Variants in VAPA observed in about 807,000 individuals in gnomAD.
VAPA encodes the protein vesicle-associated membrane protein-associated protein A.
Under a neutral mutation model 25.6 loss-of-function variants are expected in VAPA, and 6 were observed. The ratio of observed to expected loss-of-function variants is 0.23; its 90% confidence interval spans 0.13 to 0.46. The LOEUF (loss-of-function observed/expected upper bound fraction) is 0.46. VAPA is among the 20% of genes least tolerant of loss of function. The probability of loss-of-function intolerance (pLI) is 0.99; values close to 1 mark genes in which losing one functional copy is unlikely to be tolerated. For synonymous variants in VAPA, 112 were observed against 106.2 expected (o/e 1.05, Z -0.34); for missense variants, 244 against 302.1 (o/e 0.81, Z 1.43).
At chr18:9,935,586 CAAAA>C (rs1327874674) in intron 2 of VAPA, among the ~76,000 whole-genome samples, 2 of 152,022 alleles carry the variant, frequency 1.3e-5, no homozygotes, top group African/African-American at 4.8e-5. Flanking sequence ...TTTTAAAAAA[CAAAA>C]AACAGATGGT....
At chr18:9,928,730 T>C (rs1209687122) in intron 1 of VAPA, among the ~76,000 whole-genome samples, 2 of 152,204 alleles carry the variant, frequency 1.3e-5, no homozygotes, top group African/African-American at 4.8e-5. Flanking sequence ...GAAGTAATTT[T>C]ATAATGGAAT....
At chr18:9,924,273 A>C (rs1343371189) in intron 1 of VAPA, among the ~76,000 whole-genome samples, 2 of 152,214 alleles carry the variant, frequency 1.3e-5, no homozygotes, top group Non-Finnish European at 2.9e-5. Flanking sequence ...CCAAAAACTT[A>C]AACTTTAGAT....
chr18:9,945,933 C>T (rs1226076147), intron 4 of VAPA, among the ~76,000 whole-genome samples: 3 of 152,144 alleles, frequency 2.0e-5, no homozygotes. Flanking sequence ...TATGACAGTA[C>T]TCTTGACTTT....
intron 5 of VAPA, chr18:9,950,842 A>G (rs1462361143): frequency 8.0e-6 from 3 of 373,986 alleles, no homozygotes; most frequent in Non-Finnish European, 9.9e-6. Flanking sequence ...TGTCCTTCCC[A>G]TTTTGTGCCC....
chr18:9,936,731 A>AAAAAGAAC, intron 3 of VAPA: 1 of 408,094 alleles, frequency 2.5e-6, no homozygotes. Flanking sequence ...AAAAAAAGAA[A>AAAAAGAAC]GAAATGCTAA....
At chr18:9,919,922 C>T (rs924256749) in intron 1 of VAPA, among the ~76,000 whole-genome samples, 2 of 151,946 alleles carry the variant, frequency 1.3e-5, no homozygotes, top group Admixed American at 6.6e-5. Flanking sequence ...AAGTGGTGAC[C>T]CCTTGGACTG....
chr18:9,958,472 A>T lies in VAPA; in HGVS notation c.*4261A>T, dbSNP rs576026574. The stretch of plus-strand genomic sequence containing the variant: ...TATTCAGATAACTTTTGTAGTAGTG[A>T]TATTCAACTATAGCAGTACCTTAAC... On this transcript the variant is annotated 3_prime_UTR_variant, in exon 6 of 6. Transcript: ENST00000400000. 2.6e-5 allele frequency: 4 copies of T among 152,334 alleles called. No homozygotes were observed. In the East Asian group the frequency reaches 7.7e-4, roughly 29 times the overall value. 9.4% of individuals were successfully genotyped at this position (152,334 alleles called of 1,614,324 possible).
At chr18:9,950,275 T>C (rs972474034) in intron 4 of VAPA, 120 bp from the exon 5 acceptor site, 17 of 1,027,708 alleles carry the variant, frequency 1.7e-5, no homozygotes, top group Non-Finnish European at 2.4e-5. Context: ...TGACATGTAC[T>C]GATTTAGGCC....
At chr18:9,922,577 T>A (rs987784149) in intron 1 of VAPA, among the ~76,000 whole-genome samples, 1 of 152,132 alleles carries the variant, frequency 6.6e-6, no homozygotes, top group African/African-American at 2.4e-5. Flanking sequence ...TGCTGGTGAC[T>A]GACCAGTCAA....
rs908793562 is a variant in VAPA, at chr18:9,958,032, T to C, written c.*3821T>C. The C allele has an allele frequency of 1.3e-5, 2 of 152,248 alleles. No individual in the cohort carries two copies. Among genetic ancestry groups the C allele is most frequent in the African/African-American group, 4.8e-5 (2 of 41,466 alleles). 9.4% of individuals were successfully genotyped at this position (152,248 alleles called of 1,614,324 possible). On this transcript the variant is annotated 3_prime_UTR_variant, in exon 6 of 6. Transcript: ENST00000400000. ...AAAAAGAAAGTTTGTCTTGCCCTTC[T>C]GACACAGTGTGTGCACTTCAGGCAA...
At chr18:9,943,434 G>A (rs1177958318) in intron 4 of VAPA, among the ~76,000 whole-genome samples, 2 of 152,114 alleles carry the variant, frequency 1.3e-5, no homozygotes, top group African/African-American at 4.8e-5. Context: ...TAGTCCTCGG[G>A]ATCAGCAGGT....
intron 4 of VAPA, 54 bp downstream of exon 4, chr18:9,937,120 GATTA>G: frequency 6.9e-7 from 1 of 1,443,280 alleles, no homozygotes; most frequent in Non-Finnish European, 9.6e-7. Flanking sequence ...CAGTTCCTTT[GATTA>G]ATTTTGCTTT....
rs371683903 is a variant in VAPA, at chr18:9,954,918, C to G, written c.*707C>G. On this transcript the variant is annotated 3_prime_UTR_variant, in exon 6 of 6. Coordinates refer to ENST00000400000, the MANE Select transcript of VAPA (RefSeq NM_194434.3). ...CAAAGGTTTCTCTTGCATTGAAACCCTCTTGGATATTACAGTATTTTTAAT... is the reference window on the plus strand; with the variant it reads ...CAAAGGTTTCTCTTGCATTGAAACCGTCTTGGATATTACAGTATTTTTAAT... The G allele has an allele frequency of 1.3e-5, 2 of 152,446 alleles. No homozygotes were observed. Among genetic ancestry groups the G allele is most frequent in the South Asian group, 2.1e-4 (1 of 4,824 alleles). The allele number at this position is 152,446 out of a possible 1,614,324, so 9.4% of individuals were successfully genotyped here.
At chr18:9,935,020 G>A (rs1409068834) in intron 2 of VAPA, among the ~76,000 whole-genome samples, 11 of 151,226 alleles carry the variant, frequency 7.3e-5, no homozygotes, top group African/African-American at 2.7e-4. Flanking sequence ...GCGTGAACCT[G>A]GGAGGCAGAG....
chr18:9,949,298 G>C (rs1223377848), intron 4 of VAPA: 2 of 152,156 alleles, frequency 1.3e-5, no homozygotes, highest in African/African-American at 4.8e-5. Context: ...TCTGCCGACA[G>C]GTCACATACA....
chr18:9,936,390 A>T (rs1385763896), intron 3 of VAPA, 177 bp downstream of exon 3: 1 of 440,258 alleles, frequency 2.3e-6, no homozygotes, highest in African/African-American at 2.0e-5. Context: ...ATTTTTAAAT[A>T]GTATTTTTTT....
At chr18:9,949,701 T>C (rs560681681) in intron 4 of VAPA, 19 of 152,370 alleles carry the variant, frequency 1.2e-4, no homozygotes, top group African/African-American at 3.4e-4. Flanking sequence ...TGGGGTACTT[T>C]AGACAACGGG....
At position 9,958,873 on chromosome 18, in the gene VAPA, A is replaced by T. The variant is rs761859384; in HGVS notation, c.*4662A>T. 1 of 152,086 alleles carries T rather than the reference A, an allele frequency of 6.6e-6. No individual in the cohort carries two copies. The highest frequency in any genetic ancestry group is 1.5e-5 in the Non-Finnish European group (1 of 68,032). 9.4% of individuals were successfully genotyped at this position (152,086 alleles called of 1,614,324 possible). Reference sequence around the variant, plus strand: ...TCATCGCAAAAAGGCGATTTGAGAAATGTGGGCTTCAGTATTAATTGCCAT... The same window carrying T: ...TCATCGCAAAAAGGCGATTTGAGAATTGTGGGCTTCAGTATTAATTGCCAT... On this transcript the variant is annotated 3_prime_UTR_variant, in exon 6 of 6. Coordinates refer to ENST00000400000, the MANE Select transcript of VAPA (RefSeq NM_194434.3).
chr18:9,914,682 C>CCGCG (rs1324887832), intron 1 of VAPA: 1 of 151,278 alleles, frequency 6.6e-6, no homozygotes, highest in Non-Finnish European at 1.5e-5. Flanking sequence ...CCGCCTGGGC[C>CCGCG]CGCGTCCTTG....
Sources: gnomAD v4.1 joint callset for allele counts (sites outside exome capture counted in the v4.1 genomes callset) on GRCh38, gnomAD v4.1.1 for gene constraint, MANE v1.5 for transcripts, NCBI Gene and HGNC (gene_info 2026-07-23, HGNC 2026-07-21) for gene names.